DOP1B: variants seen among roughly 807,000 people sequenced by gnomAD.
The protein encoded by DOP1B is DOP1 leucine zipper like protein B, also known as protein DOP1B.
In DOP1B, 174 loss-of-function variants were observed where a neutral mutation model predicts 233.5. The observed-to-expected ratio is 0.75, with a 90% CI of 0.66 to 0.85. The LOEUF (loss-of-function observed/expected upper bound fraction) is 0.85. DOP1B is among the 40% of genes least tolerant of loss of function. The pLI, the probability that DOP1B is intolerant of heterozygous loss-of-function variation, is 0.00. For synonymous variants in DOP1B, 1,190 were observed against 1,185.6 expected (o/e 1.00, Z -0.08); for missense variants, 2,652 against 2,846.6 (o/e 0.93, Z 1.56).
At chr21:36,236,777 C>CTT (rs35374710) in intron 15 of DOP1B, among the ~76,000 whole-genome samples, 2,467 of 118,518 alleles carry the variant, frequency 0.021, 95 homozygotes, top group African/African-American at 0.047. Context: ...TTTTCTTTTT[C>CTT]TTTTTTTTTT....
chr21:36,217,074 CAAAAAAAAAAA>C (rs11353414), intron 9 of DOP1B, among the ~76,000 whole-genome samples: 2 of 100,008 alleles, frequency 2.0e-5, no homozygotes, highest in South Asian at 3.6e-4. Context: ...GACTCCATCT[CAAAAAAAAAAA>C]AAAAAAAAAG....
chr21:36,245,476 C>T lies in DOP1B; in HGVS notation c.3496C>T (p.Gln1166Ter). Residue 1166 changes from glutamine to a stop codon, truncating the protein, a stop_gained, in exon 19 of 37, where the codon CAG (glutamine) becomes TAG (stop). Coordinates refer to ENST00000691173, the MANE Select transcript of DOP1B (RefSeq NM_001320714.2). LOFTEE classifies it high-confidence loss of function. This position sits in a 1 kb window ranked among gnomAD's most constrained non-coding sequence, Gnocchi z 5.5. Reference protein sequence around the residue: ...PKRSALLAAFQSESFKAGAKL... With the variant: ...PKRSALLAAF ...GCGCTCGGCCCTGCTGGCGGCCTTC[C>T]AGTCAGAAAGCTTCAAGGCTGGGGC... 1 of 1,613,898 alleles carries T rather than the reference C, an allele frequency of 6.2e-7. No homozygotes were observed. Among genetic ancestry groups the T allele is most frequent in the African/African-American group, 1.3e-5 (1 of 75,072 alleles).
rs1366826697 is a variant in DOP1B, at chr21:36,245,421, C to T, written c.3441C>T (p.Pro1147=). Residue 1147 remains proline, a synonymous_variant, in exon 19 of 37, where the codon CCC becomes CCT. Transcript: ENST00000691173. The surrounding 1 kb of genome is among the most constrained non-coding windows in gnomAD (Gnocchi z 5.5). ...GCAACGAAGAGAACTGCTGTGCACC[C>T]ATCCCCATGGGGGGCAGGGCGTACC... ...ELSNEENCCA[P]IPMGGRAYPK... 6.2e-7 allele frequency: 1 copy of T among 1,614,056 alleles called. No homozygotes were observed. The highest frequency in any genetic ancestry group is 1.6e-4 in the Middle Eastern group (1 of 6,062).
chr21:36,278,060 T>C lies in DOP1B; in HGVS notation c.5798T>C (p.Val1933Ala), dbSNP rs1438748976. ...VPLISRLLYYVFPYLRNHSAY... is the reference protein window; with the variant it reads ...VPLISRLLYYAFPYLRNHSAY... Reference sequence around the variant, plus strand: ...TTAATCTCCCGTCTGCTTTACTATGTTTTTCCATACTTACGCAACCACAGG... The same window carrying C: ...TTAATCTCCCGTCTGCTTTACTATGCTTTTCCATACTTACGCAACCACAGG... The change falls in exon 29 of 37, where the codon GTT (valine) becomes GCT (alanine). Residue 1933 changes from valine (V) to alanine (A), a missense_variant. Transcript: ENST00000691173. 2.5e-6 allele frequency: 4 copies of C among 1,614,130 alleles called. No homozygotes were observed. The highest frequency in any genetic ancestry group is 3.4e-6 in the Non-Finnish European group (4 of 1,180,006).
intron 15 of DOP1B, among the ~76,000 whole-genome samples, chr21:36,233,827 G>A (rs1255226800): frequency 2.0e-5 from 3 of 152,024 alleles, no homozygotes; most frequent in Non-Finnish European, 4.4e-5. Context: ...GGTCCTGGGG[G>A]AGCTTTTACT....
chr21:36,290,732 G>A (rs2067546708), intron 35 of DOP1B, among the ~76,000 whole-genome samples: 1 of 151,616 alleles, frequency 6.6e-6, no homozygotes, highest in Admixed American at 6.6e-5. Flanking sequence ...AGAGGTTGCA[G>A]TGAGCCAAGA....
intron 9 of DOP1B, among the ~76,000 whole-genome samples, chr21:36,217,999 A>G (rs943290974): frequency 3.3e-5 from 5 of 152,342 alleles, no homozygotes; most frequent in South Asian, 4.1e-4. Context: ...CTGCCCAATC[A>G]TAACAGTCAC....
At chr21:36,169,054 A>G in intron 2 of DOP1B, 1 of 869,324 alleles carries the variant, frequency 1.2e-6, no homozygotes, top group Non-Finnish European at 1.9e-6. Context: ...GGAAGCGGCC[A>G]TAGCCAAACT....
rs540419828 is a variant in DOP1B, at chr21:36,270,235, G to A, written c.5632+78G>A. 6 of 1,477,930 alleles carry A rather than the reference G, an allele frequency of 4.1e-6. No homozygotes were observed. In the African/African-American group the frequency reaches 7.1e-5, roughly 17 times the overall value. 91.6% of individuals were successfully genotyped at this position (1,477,930 alleles called of 1,614,324 possible). On this transcript the variant is annotated intron_variant, in intron 27 of 36. Transcript: ENST00000691173. Reference sequence around the variant, plus strand: ...CTTTTCCTTAAGAGAGATCTTGAGTGTTCTCACCACAAAAAGAAAGAAAGT... The same window carrying A: ...CTTTTCCTTAAGAGAGATCTTGAGTATTCTCACCACAAAAAGAAAGAAAGT...
At chr21:36,264,420 T>G (rs2067209968) in intron 26 of DOP1B, among the ~76,000 whole-genome samples, 1 of 152,098 alleles carries the variant, frequency 6.6e-6, no homozygotes, top group Non-Finnish European at 1.5e-5. Context: ...CAAAAAAATT[T>G]TTTAAAAAAG....
chr21:36,293,600 T>C lies in DOP1B; in HGVS notation c.*29T>C, dbSNP rs764292329. 5 of 1,609,066 alleles carry C rather than the reference T, an allele frequency of 3.1e-6. No individual in the cohort carries two copies. The highest frequency in any genetic ancestry group is 2.2e-5 in the South Asian group (2 of 90,696). ...TGTGAGAGAGAATATGTTTAATCCA[T>C]GTATTGGTACTTTACTGAAAACCAG... On this transcript the variant is annotated 3_prime_UTR_variant, in exon 37 of 37. Coordinates refer to ENST00000691173, the MANE Select transcript of DOP1B (RefSeq NM_001320714.2).
intron 26 of DOP1B, among the ~76,000 whole-genome samples, chr21:36,269,694 A>AT (rs35877569): frequency 0.028 from 4,167 of 148,014 alleles, 87 homozygotes; most frequent in Non-Finnish European, 0.04. Flanking sequence ...TAATTTTTGT[A>AT]TTTTTTTTAG....
At chr21:36,242,604 C>T (rs564290852) in intron 18 of DOP1B, among the ~76,000 whole-genome samples, 8 of 152,120 alleles carry the variant, frequency 5.3e-5, no homozygotes, top group Non-Finnish European at 8.8e-5. Context: ...TGAGCTACTA[C>T]GCCTGGCCTT....
intron 9 of DOP1B, among the ~76,000 whole-genome samples, chr21:36,216,994 GA>G (rs1387262438): frequency 2.0e-5 from 3 of 148,670 alleles, no homozygotes; most frequent in African/African-American, 7.5e-5. Context: ...AGAATCACTT[GA>G]ATCTGGGAGG....
intron 15 of DOP1B, among the ~76,000 whole-genome samples, chr21:36,234,752 G>A (rs914149570): frequency 1.3e-5 from 2 of 152,080 alleles, no homozygotes; most frequent in South Asian, 2.1e-4. Flanking sequence ...TATTGGCCAC[G>A]CTGGTCTCAA....
intron 10 of DOP1B, among the ~76,000 whole-genome samples, 177 bp downstream of exon 10, chr21:36,219,669 C>A (rs912011809): frequency 6.6e-6 from 1 of 152,028 alleles, no homozygotes; most frequent in Non-Finnish European, 1.5e-5. Context: ...ATTGACTGTT[C>A]CCTACTGAGT....
intron 1 of DOP1B, among the ~76,000 whole-genome samples, chr21:36,163,058 T>A (rs969194593): frequency 1.3e-5 from 2 of 151,870 alleles, no homozygotes; most frequent in African/African-American, 4.8e-5. Context: ...TTGAAAGTAG[T>A]GGTGGTTGCC....
chr21:36,202,158 G>A (rs560344620), intron 4 of DOP1B, among the ~76,000 whole-genome samples: 2 of 152,278 alleles, frequency 1.3e-5, no homozygotes, highest in South Asian at 2.1e-4. Flanking sequence ...CTGCACTCCA[G>A]CCTGGGTGAC....
At chr21:36,207,364 T>C (rs1206763211) in intron 4 of DOP1B, among the ~76,000 whole-genome samples, 1 of 151,834 alleles carries the variant, frequency 6.6e-6, no homozygotes, top group Non-Finnish European at 1.5e-5. Flanking sequence ...TTTGCATTTT[T>C]AATAGAGATG....
Sources: gnomAD v4.1 joint callset for allele counts (sites outside exome capture counted in the v4.1 genomes callset) on GRCh38, gnomAD v4.1.1 for gene constraint, Gnocchi (gnomAD v3.1) non-coding constraint, MANE v1.5 for transcripts, NCBI Gene and HGNC (gene_info 2026-07-23, HGNC 2026-07-21) for gene names.